Variants in MALRD1 observed in about 807,000 individuals in gnomAD.
MALRD1 encodes MAM and LDL receptor class A domain containing 1, also known as MAM and LDL-receptor class A domain-containing protein 1.
A neutral mutation model predicts 242.1 loss-of-function variants in MALRD1; 247 were observed. The observed-to-expected ratio is 1.02, with a 90% confidence interval of 0.92 to 1.13. The LOEUF (loss-of-function observed/expected upper bound fraction) is 1.13, where lower values mean the gene tolerates loss of function less well. MALRD1 is among the 50% of genes most tolerant of loss of function. MALRD1 has a pLI of 0.00. For missense variants in MALRD1, 2,989 were observed against 2,533.1 expected (o/e 1.18, Z -3.86); for synonymous variants, 995 against 866.6 (o/e 1.15, Z -2.60).
At chr10:19,141,710 G>C (rs144250133) in intron 10 of MALRD1, among the ~76,000 whole-genome samples, 2 of 151,718 alleles carry the variant, frequency 1.3e-5, no homozygotes. Flanking sequence ...CATGAAAAAG[G>C]GGTTTTTTAA....
intron 36 of MALRD1, among the ~76,000 whole-genome samples, chr10:19,634,669 C>G (rs1229516937): frequency 6.6e-6 from 1 of 152,154 alleles, no homozygotes; most frequent in Non-Finnish European, 1.5e-5. Flanking sequence ...GCACTCTTTT[C>G]CGTAATACTC....
At chr10:19,159,994 T>C (rs1834327713) in intron 12 of MALRD1, among the ~76,000 whole-genome samples, 2 of 152,212 alleles carry the variant, frequency 1.3e-5, no homozygotes, top group Admixed American at 1.3e-4. Flanking sequence ...AAAAGAACTG[T>C]TTGTTGGAAA....
intron 17 of MALRD1, among the ~76,000 whole-genome samples, chr10:19,207,934 A>G: frequency 6.6e-6 from 1 of 152,228 alleles, no homozygotes; most frequent in East Asian, 1.9e-4. Flanking sequence ...TAAGGGTGAC[A>G]CTTAAACACA....
chr10:19,403,265 T>G (rs1047324044), intron 28 of MALRD1, among the ~76,000 whole-genome samples: 1 of 152,138 alleles, frequency 6.6e-6, no homozygotes, highest in Non-Finnish European at 1.5e-5. Flanking sequence ...AAAAGTGGAC[T>G]TGGATGAATT....
chr10:19,184,868 T>C (rs1432085028), intron 14 of MALRD1, among the ~76,000 whole-genome samples: 1 of 152,150 alleles, frequency 6.6e-6, no homozygotes, highest in African/African-American at 2.4e-5. Flanking sequence ...TTTAATGACA[T>C]TCAACACATT....
rs1833059177 is a variant in MALRD1, at chr10:19,407,059, T to C, written c.4845+17450T>C. On this transcript the variant is annotated intron_variant, in intron 28 of 39. Coordinates refer to ENST00000454679, the MANE Select transcript of MALRD1 (RefSeq NM_001142308.3). ...TGAATTCCAACTCTTCTACCTTTAG[T>C]CTTGACTCTACTCCCCACGCCCCAA... Among the ~76,000 whole-genome samples the C allele has an allele frequency of 2.0e-5, 3 of 152,174 alleles. No individual in the cohort carries two copies. The South Asian group carries it at 6.2e-4, about 31-fold the overall frequency.
intron 18 of MALRD1, among the ~76,000 whole-genome samples, chr10:19,215,176 A>G (rs957872791): frequency 6.6e-6 from 1 of 152,158 alleles, no homozygotes; most frequent in Admixed American, 6.5e-5. Flanking sequence ...CAATTCTTCA[A>G]AGAAATCCTT....
At chr10:19,334,350 G>T (rs1483078106) in intron 24 of MALRD1, among the ~76,000 whole-genome samples, 5 of 150,740 alleles carry the variant, frequency 3.3e-5, no homozygotes, top group African/African-American at 1.2e-4. Flanking sequence ...ATGATAAAAG[G>T]TAGAGTTCCA....
chr10:19,703,635 T>C (rs909053109), intron 38 of MALRD1, among the ~76,000 whole-genome samples: 1 of 152,172 alleles, frequency 6.6e-6, no homozygotes, highest in African/African-American at 2.4e-5. Flanking sequence ...TGGCTCACAT[T>C]GGTAATCCCA....
chr10:19,631,239 G>A (rs1322128433), intron 36 of MALRD1, among the ~76,000 whole-genome samples: 1 of 152,158 alleles, frequency 6.6e-6, no homozygotes, highest in Non-Finnish European at 1.5e-5. Flanking sequence ...GTGAGAACAG[G>A]TGGAATGTAG....
intron 26 of MALRD1, among the ~76,000 whole-genome samples, chr10:19,383,881 A>T (rs1845941868): frequency 6.6e-6 from 1 of 151,952 alleles, no homozygotes; most frequent in South Asian, 2.1e-4. Context: ...CAGATAATTT[A>T]AGCAAGGAAT....
At chr10:19,658,065 T>C (rs1841248384) in intron 36 of MALRD1, among the ~76,000 whole-genome samples, 1 of 152,030 alleles carries the variant, frequency 6.6e-6, no homozygotes, top group South Asian at 2.1e-4. Context: ...GGAGAATCTC[T>C]TGAACCCAGG....
intron 32 of MALRD1, among the ~76,000 whole-genome samples, chr10:19,549,255 A>C (rs543073467): frequency 1.2e-4 from 19 of 152,372 alleles, no homozygotes; most frequent in Admixed American, 5.9e-4. Context: ...AAAGTGAAGC[A>C]GAAAGTGCTG....
intron 32 of MALRD1, among the ~76,000 whole-genome samples, chr10:19,564,123 G>A (rs1035730503): frequency 3.3e-5 from 5 of 152,110 alleles, no homozygotes; most frequent in African/African-American, 1.2e-4. Context: ...CCCAGTCTCA[G>A]GTATTCCTTT....
chr10:19,411,546 G>A (rs1465668285), intron 28 of MALRD1, among the ~76,000 whole-genome samples: 2 of 152,130 alleles, frequency 1.3e-5, no homozygotes, highest in African/African-American at 2.4e-5. Context: ...CATACTTTAT[G>A]CAGATCAGAT....
intron 17 of MALRD1, among the ~76,000 whole-genome samples, chr10:19,208,189 G>T (rs1002041017): frequency 4.6e-5 from 7 of 152,000 alleles, no homozygotes; most frequent in Admixed American, 2.6e-4. Flanking sequence ...AGTCTGAATT[G>T]GTCTAGGGAC....
rs2131878370 is a variant in MALRD1 at position 19,280,175 on chromosome 10, T to C, written c.3208T>C (p.Cys1070Arg). 6.5e-7 allele frequency: 1 copy of C among 1,540,884 alleles called. No homozygotes were observed. The highest frequency in any genetic ancestry group is 8.7e-7 in the Non-Finnish European group (1 of 1,143,820). The change falls in exon 20 of 40, where the codon TGT becomes CGT. Residue 1070 changes from cysteine (C) to arginine (R), a missense_variant. By Grantham distance (180) the Cys-to-Arg change is radical. Coordinates refer to ENST00000454679, the MANE Select transcript of MALRD1 (RefSeq NM_001142308.3). ...TCACTGCATTGAAAAAATGCAGAAA[T>C]GTGATTTTAAATATGACTGCCCTGA... ...DGHCIEKMQKCDFKYDCPDKS... is the reference protein window; with the variant it reads ...DGHCIEKMQKRDFKYDCPDKS...
At chr10:19,504,582 C>T (rs1464243082) in intron 31 of MALRD1, among the ~76,000 whole-genome samples, 1 of 151,390 alleles carries the variant, frequency 6.6e-6, no homozygotes, top group Non-Finnish European at 1.5e-5. Context: ...TACACATACA[C>T]TTAAAGACAT....
intron 18 of MALRD1, among the ~76,000 whole-genome samples, chr10:19,224,798 C>T (rs971553322): frequency 6.6e-5 from 10 of 152,030 alleles, no homozygotes; most frequent in South Asian, 2.1e-4. Flanking sequence ...GTGTTCACTC[C>T]GATGATAGTG....
Sources: allele counts gnomAD v4.1 joint callset (sites outside exome capture counted in the v4.1 genomes callset), GRCh38; gene constraint gnomAD v4.1.1; transcripts MANE v1.5; gene names NCBI Gene and HGNC (gene_info 2026-07-23, HGNC 2026-07-21).